Variants in THADA observed in about 807,000 individuals in gnomAD.
The protein encoded by THADA is tRNA (32-2'-O)-methyltransferase regulator THADA.
A neutral mutation model predicts 219.8 loss-of-function variants in THADA; 213 were observed. The ratio of observed to expected loss-of-function variants is 0.97; its 90% CI spans 0.87 to 1.09. The LOEUF (loss-of-function observed/expected upper bound fraction) is 1.09. Among genes scored for constraint, THADA ranks in the 50% least tolerant of loss-of-function variants. The pLI is 0.00. For synonymous variants in THADA, 1,018 were observed against 828.9 expected (o/e 1.23, Z -3.92); for missense variants, 2,956 against 2,311.3 (o/e 1.28, Z -5.72).
At chr2:43,298,119 G>A (rs1405875134) in intron 31 of THADA, among the ~76,000 whole-genome samples, 1 of 94,304 alleles carries the variant, frequency 1.1e-5, no homozygotes, top group East Asian at 2.4e-4. Context: ...CATTGAGAAC[G>A]GGCCAGGATG....
intron 24 of THADA, among the ~76,000 whole-genome samples, chr2:43,499,739 T>G (rs1688700361): frequency 6.6e-6 from 1 of 152,104 alleles, no homozygotes; most frequent in South Asian, 2.1e-4. Flanking sequence ...ATTTTTTTTT[T>G]TAAATATTTT....
chr2:43,472,504 C>T (rs1488276677), intron 26 of THADA, among the ~76,000 whole-genome samples: 8 of 152,116 alleles, frequency 5.3e-5, no homozygotes, highest in East Asian at 3.8e-4. Flanking sequence ...TGAAGCTAAA[C>T]GGAAAGTTGG....
chr2:43,302,302 G>C (rs1676356584), intron 31 of THADA, among the ~76,000 whole-genome samples: 1 of 152,082 alleles, frequency 6.6e-6, no homozygotes, highest in African/African-American at 2.4e-5. Flanking sequence ...CTAAGTTAGA[G>C]TGATTTTTTT....
At chr2:43,526,830 A>C (rs1693225965) in intron 22 of THADA, among the ~76,000 whole-genome samples, 1 of 152,202 alleles carries the variant, frequency 6.6e-6, no homozygotes, top group African/African-American at 2.4e-5. Context: ...AATATCATCC[A>C]AACCAAGCAC....
At chr2:43,578,705 A>G in intron 8 of THADA, 98 bp from the exon 9 acceptor site, 1 of 712,010 alleles carries the variant, frequency 1.4e-6, no homozygotes, top group South Asian at 2.3e-5. Context: ...CCTGGGTACA[A>G]TTTCTAGTCT....
intron 31 of THADA, among the ~76,000 whole-genome samples, chr2:43,316,013 C>T (rs1437106047): frequency 6.6e-6 from 1 of 152,184 alleles, no homozygotes; most frequent in Admixed American, 6.5e-5. Context: ...GTCACACCTG[C>T]CTGGCCTTGA....
In THADA at chr2:43,289,255, G is replaced by A. The variant is rs79228743; in HGVS notation, c.5011-2194C>T. Among the ~76,000 whole-genome samples the A allele has an allele frequency of 4.8e-3, 734 of 152,188 alleles. 2 individuals are homozygous for A. Among genetic ancestry groups the A allele is most frequent in the African/African-American group, 0.016 (663 of 41,518 alleles). On this transcript the variant is annotated intron_variant, in intron 34 of 37. Coordinates refer to ENST00000405975, the MANE Select transcript of THADA (RefSeq NM_022065.5). ...GGATTGTTTTCATCATTTAAACTCC[G>A]TTCTTTCACTTTTTCTAGAACAGGG...
intron 20 of THADA, 96 bp downstream of exon 20, chr2:43,549,114 G>T: frequency 8.8e-7 from 1 of 1,137,684 alleles, no homozygotes; most frequent in East Asian, 2.9e-5. Context: ...GTTCTGCACA[G>T]ATTTGCAACC....
At chr2:43,573,789 C>T (rs1699547188) in intron 11 of THADA, among the ~76,000 whole-genome samples, 1 of 152,176 alleles carries the variant, frequency 6.6e-6, no homozygotes, top group African/African-American at 2.4e-5. Flanking sequence ...TCACTTTACA[C>T]ATCCTGAATT....
intron 7 of THADA, among the ~76,000 whole-genome samples, chr2:43,582,535 A>T (rs1236411311): frequency 1.4e-5 from 2 of 141,112 alleles, no homozygotes; most frequent in African/African-American, 5.3e-5. Flanking sequence ...AAACTTGAAC[A>T]CTCTCTCAAC....
intron 31 of THADA, among the ~76,000 whole-genome samples, chr2:43,310,197 TCCTC>T (rs973179314): frequency 3.2e-5 from 4 of 125,666 alleles, no homozygotes; most frequent in Non-Finnish European, 5.0e-5. Context: ...GCTTTTTCTT[TCCTC>T]CCTCCCTCCC....
At chr2:43,455,706 G>C (rs903154219) in intron 26 of THADA, among the ~76,000 whole-genome samples, 6 of 152,214 alleles carry the variant, frequency 3.9e-5, no homozygotes, top group Non-Finnish European at 1.5e-5. Flanking sequence ...GCAAAGGATA[G>C]GTTAGGTTCT....
intron 30 of THADA, among the ~76,000 whole-genome samples, chr2:43,324,519 ACT>A (rs976042413): frequency 5.9e-5 from 9 of 152,224 alleles, no homozygotes; most frequent in African/African-American, 2.2e-4. Context: ...CCCGGAGCCC[ACT>A]GTTCATGACT....
In THADA at chr2:43,398,174, G is replaced by C. The variant is rs1674336127; in HGVS notation, c.4059-35C>G. On this transcript the variant is annotated intron_variant, in intron 28 of 37. Coordinates refer to ENST00000405975, the MANE Select transcript of THADA (RefSeq NM_022065.5). ...AATAAAAACACAAGACCATTCAATA[G>C]TCATCTCCACATCTGTGACTTTGTA... The C allele has an allele frequency of 2.5e-6, 4 of 1,600,994 alleles. No individual in the cohort carries two copies. In the Admixed American group the frequency reaches 5.0e-5, roughly 20 times the overall value.
intron 30 of THADA, among the ~76,000 whole-genome samples, chr2:43,326,980 C>CG (rs1679405950): frequency 6.7e-6 from 1 of 150,054 alleles, no homozygotes; most frequent in Non-Finnish European, 1.5e-5. Flanking sequence ...CTGAGCAGTA[C>CG]GGGGGATATC....
intron 36 of THADA, among the ~76,000 whole-genome samples, chr2:43,262,141 C>T (rs559481160): frequency 1.3e-5 from 2 of 152,308 alleles, no homozygotes; most frequent in East Asian, 1.9e-4. Context: ...CCTTAGCAAG[C>T]GAACTCTAGG....
At chr2:43,293,722 GA>G (rs925585268) in intron 31 of THADA, among the ~76,000 whole-genome samples, 1 of 152,148 alleles carries the variant, frequency 6.6e-6, no homozygotes, top group African/African-American at 2.4e-5. Flanking sequence ...GCTACATTTT[GA>G]GGCTCCCAAT....
intron 26 of THADA, among the ~76,000 whole-genome samples, chr2:43,447,182 C>A (rs372007907): frequency 2.0e-5 from 3 of 152,038 alleles, no homozygotes; most frequent in South Asian, 2.1e-4. Flanking sequence ...AAAACCATCA[C>A]CCCCCATGAT....
chr2:43,589,717 C>T (rs529039281), intron 4 of THADA, among the ~76,000 whole-genome samples: 2 of 152,216 alleles, frequency 1.3e-5, no homozygotes, highest in South Asian at 4.1e-4. Context: ...TAAAAGACTA[C>T]AAATTGTTGG....
Sources: allele counts gnomAD v4.1 joint callset (sites outside exome capture counted in the v4.1 genomes callset), GRCh38; gene constraint gnomAD v4.1.1; transcripts MANE v1.5; gene names NCBI Gene and HGNC (gene_info 2026-07-23, HGNC 2026-07-21).